DNAH3: variants seen among roughly 807,000 people sequenced by gnomAD.
The protein encoded by DNAH3 is axonemal beta dynein heavy chain 3.
DNAH3 carries 332 observed loss-of-function variants against 432.5 expected under a neutral mutation model. The observed-to-expected ratio is 0.77, with a 90% CI of 0.70 to 0.84. The LOEUF (loss-of-function observed/expected upper bound fraction) is 0.84, where lower values mean the gene tolerates loss of function less well. DNAH3 is among the 40% of genes least tolerant of loss of function. The pLI, the probability that DNAH3 is intolerant of heterozygous loss-of-function variation, is 0.00. For missense variants in DNAH3, 4,861 were observed against 5,114.0 expected, an observed-to-expected ratio of 0.95 and a Z score of 1.51; for synonymous variants, 1,956 against 1,900.2, an observed-to-expected ratio of 1.03 and a Z score of -0.76.
chr16:21,046,420 C>A (rs1256369478), intron 31 of DNAH3, among the ~76,000 whole-genome samples: 1 of 150,782 alleles, frequency 6.6e-6, no homozygotes, highest in Non-Finnish European at 1.5e-5. Flanking sequence ...ATCCCTTTAC[C>A]ATTATGTAAT....
intron 43 of DNAH3, among the ~76,000 whole-genome samples, chr16:21,000,022 A>G (rs955132251): frequency 6.8e-6 from 1 of 146,152 alleles, no homozygotes; most frequent in Non-Finnish European, 1.5e-5. Flanking sequence ...AGGAGGGAAG[A>G]AGGAAAGGAG....
chr16:21,007,880 G>C (rs2084941095), intron 41 of DNAH3, among the ~76,000 whole-genome samples: 1 of 152,152 alleles, frequency 6.6e-6, no homozygotes, highest in East Asian at 1.9e-4. Flanking sequence ...TTTCACTATA[G>C]TGTGAGGCAG....
chr16:21,049,508 G>T, intron 31 of DNAH3, 61 bp downstream of exon 31: 1 of 1,383,114 alleles, frequency 7.2e-7, no homozygotes, highest in Non-Finnish European at 1.0e-6. Context: ...GGGGTGCAGA[G>T]CCAAGAAAAA....
At chr16:21,112,689 A>G (rs2092103025) in intron 12 of DNAH3, among the ~76,000 whole-genome samples, 1 of 152,122 alleles carries the variant, frequency 6.6e-6, no homozygotes, top group African/African-American at 2.4e-5. Flanking sequence ...CAGCCAAACC[A>G]TATCATTCTC....
At chr16:20,941,346 G>A (rs1429343096) in intron 59 of DNAH3, 55 bp downstream of exon 59, 1 of 1,605,948 alleles carries the variant, frequency 6.2e-7, no homozygotes, top group East Asian at 2.2e-5. Flanking sequence ...CTGCCTGTTA[G>A]ATCCTACTCC....
exon 56 of DNAH3, chr16:20,952,491 G>C: frequency 6.2e-7 from 1 of 1,613,550 alleles, no homozygotes; most frequent in East Asian, 2.2e-5. Context: ...GAAACATCTG[G>C]ATCTGCCACA....
intron 18 of DNAH3, 92 bp from the exon 19 acceptor site, chr16:21,087,152 G>T: frequency 9.4e-7 from 1 of 1,065,222 alleles, no homozygotes; most frequent in Non-Finnish European, 1.4e-6. Flanking sequence ...TGTGCCTCCT[G>T]TCGTTTGGAG....
At chr16:20,974,581 T>TTTA (rs1555514740) in intron 51 of DNAH3, among the ~76,000 whole-genome samples, 1 of 129,734 alleles carries the variant, frequency 7.7e-6, no homozygotes, top group Admixed American at 7.7e-5. Flanking sequence ...TTTATAGTGT[T>TTTA]TTTTTTTTTT....
intron 51 of DNAH3, among the ~76,000 whole-genome samples, chr16:20,972,931 A>T (rs1427117414): frequency 1.3e-5 from 2 of 151,632 alleles, no homozygotes; most frequent in African/African-American, 4.8e-5. Context: ...GTTTCACCAT[A>T]TTGGCCAGGC....
At chr16:21,102,954 A>G (rs2091870294) in intron 16 of DNAH3, among the ~76,000 whole-genome samples, 1 of 151,214 alleles carries the variant, frequency 6.6e-6, no homozygotes. Flanking sequence ...GATGGTCTCA[A>G]TCTCTTGACC....
intron 21 of DNAH3, 26 bp downstream of exon 21, chr16:21,075,421 G>A: frequency 6.6e-7 from 1 of 1,506,326 alleles, no homozygotes; most frequent in Non-Finnish European, 9.2e-7. Flanking sequence ...GCTTTCAAAA[G>A]GGGCTGCGGT....
chr16:21,145,501 G>T, intron 2 of DNAH3, 95 bp from the exon 4 acceptor site: 1 of 1,084,600 alleles, frequency 9.2e-7, no homozygotes, highest in Non-Finnish European at 1.4e-6. Flanking sequence ...AGTTCCAAGT[G>T]CCTTATGCTA....
At position 20,979,309 on chromosome 16, in the gene DNAH3, TTC is replaced by T. The variant is rs2085744762; in HGVS notation, c.8076+19_8076+20del. 1.9e-6 allele frequency: 3 copies of T among 1,612,490 alleles called. No individual in the cohort carries two copies. Among genetic ancestry groups the T allele is most frequent in the African/African-American group, 2.7e-5 (2 of 74,858 alleles). On this transcript the variant is annotated intron_variant, in intron 50 of 61. Coordinates refer to ENST00000261383, the Ensembl canonical transcript of DNAH3. ...CTCGTCCCGGGCCTCTTTGTCTCTG[TTC>T]TGTTTTGGCAGTGCTCACCTGAGAA...
At chr16:21,026,880 C>T in intron 38 of DNAH3, 147 bp downstream of exon 38, 1 of 589,468 alleles carries the variant, frequency 1.7e-6, no homozygotes, top group South Asian at 2.0e-5. Context: ...CCCCTGGAAC[C>T]TAAAATAAAA....
At chr16:21,081,553 C>A in intron 20 of DNAH3, 83 bp downstream of exon 20, 1 of 1,139,698 alleles carries the variant, frequency 8.8e-7, no homozygotes, top group Non-Finnish European at 1.3e-6. Context: ...ACAAACAGCC[C>A]GATATGGAGC....
chr16:21,136,388 G>C lies in DNAH3; in HGVS notation c.822C>G (p.Pro274=), dbSNP rs757067012. 4 of 1,613,882 alleles carry C rather than the reference G, an allele frequency of 2.5e-6. No homozygotes were observed. In the African/African-American group the frequency reaches 5.3e-5, roughly 22 times the overall value. ...TCTCCTGCACGAGGACCACCATCAG[G>C]GGCTCCAGGAAGGGACTCGTCAGCA... Residue 274 remains proline, a synonymous_variant, in exon 6 of 62, where the codon CCC becomes CCG. Transcript: ENST00000261383.
chr16:20,974,586 T>TTG (rs1461982170), intron 51 of DNAH3, among the ~76,000 whole-genome samples: 6 of 135,240 alleles, frequency 4.4e-5, no homozygotes, highest in African/African-American at 1.4e-4. Context: ...AGTGTTTTTT[T>TTG]TTTTTTTTTT....
At chr16:20,978,029 T>C (rs1348966219) in intron 50 of DNAH3, among the ~76,000 whole-genome samples, 1 of 152,218 alleles carries the variant, frequency 6.6e-6, no homozygotes, top group Non-Finnish European at 1.5e-5. Flanking sequence ...AATCAATCAA[T>C]GTTCTTTGGT....
intron 41 of DNAH3, among the ~76,000 whole-genome samples, chr16:21,015,018 T>A (rs1334485869): frequency 6.6e-6 from 1 of 152,176 alleles, no homozygotes. Flanking sequence ...CTTCTTGACT[T>A]GGTCTAGGTA....
Sources: allele counts gnomAD v4.1 joint callset (sites outside exome capture counted in the v4.1 genomes callset), GRCh38; gene constraint gnomAD v4.1.1; transcripts MANE v1.5; gene names NCBI Gene and HGNC (gene_info 2026-07-23, HGNC 2026-07-21).